CBR4: variants seen among roughly 807,000 people sequenced by gnomAD.
CBR4 encodes the protein carbonyl reductase 4.
A neutral mutation model predicts 21.0 loss-of-function variants in CBR4; 22 were observed. That is an observed-to-expected ratio of 1.05 (90% CI 0.75 to 1.50). The LOEUF (loss-of-function observed/expected upper bound fraction) is 1.50. CBR4 is among the 40% of genes most tolerant of loss of function. The probability of loss-of-function intolerance (pLI) is 0.00; values close to 1 mark genes in which losing one functional copy is unlikely to be tolerated. For synonymous variants in CBR4, 100 were observed against 104.4 expected (o/e 0.96, Z 0.26); for missense variants, 302 against 286.3 (o/e 1.05, Z -0.40).
chr4:168,973,860 C>CT (rs907471219), intron 2 of CBR4, among the ~76,000 whole-genome samples: 6 of 152,170 alleles, frequency 3.9e-5, no homozygotes, highest in African/African-American at 1.4e-4. Flanking sequence ...CTTGAATGAT[C>CT]TTTATCCATT....
At position 168,918,601 on chromosome 4, in the gene CBR4, A is replaced by G. The variant is rs76923123; in HGVS notation, n.170-23836T>C. On this transcript the variant is annotated intron_variant and non_coding_transcript_variant, in intron 2 of 3. Coordinates refer to the CBR4 transcript ENST00000509108. ...TTCAGACAGGAAGAATAAGTTCAAGAGATCTGTTGTACAACATGGTGACTA... is the reference window on the plus strand; with the variant it reads ...TTCAGACAGGAAGAATAAGTTCAAGGGATCTGTTGTACAACATGGTGACTA... Among the ~76,000 whole-genome samples, 804 of 152,310 alleles carry G rather than the reference A, an allele frequency of 5.3e-3. 3 individuals carry two copies. Among genetic ancestry groups the G allele is most frequent in the Middle Eastern group, 0.034 (10 of 294 alleles).
At chr4:168,970,990 C>A (rs1348292302) in intron 2 of CBR4, among the ~76,000 whole-genome samples, 1 of 152,094 alleles carries the variant, frequency 6.6e-6, no homozygotes, top group East Asian at 1.9e-4. Flanking sequence ...TGGGTAGATA[C>A]CCAGGAGCGG....
At chr4:168,966,834 C>A (rs547466048) in intron 2 of CBR4, among the ~76,000 whole-genome samples, 1 of 151,984 alleles carries the variant, frequency 6.6e-6, no homozygotes, top group African/African-American at 2.4e-5. Context: ...CTGGCTAACA[C>A]GATGAAACCC....
intron 2 of CBR4, among the ~76,000 whole-genome samples, chr4:168,913,261 C>A (rs1181539034): frequency 3.3e-5 from 5 of 151,754 alleles, no homozygotes; most frequent in African/African-American, 1.2e-4. Context: ...CTCAGCCTCC[C>A]AAGTAGCTGG....
chr4:169,003,638 C>T (rs1037862101), intron 3 of CBR4, among the ~76,000 whole-genome samples: 5 of 151,936 alleles, frequency 3.3e-5, no homozygotes, highest in African/African-American at 7.2e-5. Context: ...AAATCTCTCA[C>T]GAAATGAAGA....
intron 4 of CBR4, among the ~76,000 whole-genome samples, chr4:168,996,800 T>C (rs539129006): frequency 6.6e-6 from 1 of 152,324 alleles, no homozygotes; most frequent in Non-Finnish European, 1.5e-5. Context: ...TCTCTAATGA[T>C]AAATTACTCT....
intron 2 of CBR4, among the ~76,000 whole-genome samples, chr4:168,981,414 A>T (rs1764542965): frequency 6.6e-6 from 1 of 152,170 alleles, no homozygotes; most frequent in African/African-American, 2.4e-5. Flanking sequence ...AATAAAATAA[A>T]AATAAAGAAA....
intron 2 of CBR4, among the ~76,000 whole-genome samples, chr4:168,949,678 T>C (rs1003404542): frequency 6.6e-6 from 1 of 152,210 alleles, no homozygotes; most frequent in East Asian, 1.9e-4. Context: ...TGTGGAATAG[T>C]GTCAAAAGGA....
At chr4:168,952,975 C>T (rs1443061343) in intron 2 of CBR4, among the ~76,000 whole-genome samples, 1 of 152,188 alleles carries the variant, frequency 6.6e-6, no homozygotes, top group Non-Finnish European at 1.5e-5. Context: ...GGCCCTAGAA[C>T]TCCCAAGAGT....
At position 169,009,932 on chromosome 4, in the gene CBR4, CCA is replaced by C. The variant is rs758778551; in HGVS notation, c.142+14_142+15del. The C allele has an allele frequency of 2.5e-6, 4 of 1,606,370 alleles. No homozygotes were observed. The highest frequency in any genetic ancestry group is 1.7e-6 in the Non-Finnish European group (2 of 1,176,880). On this transcript the variant is annotated intron_variant, in intron 1 of 4. Transcript: ENST00000306193. ...ACCGCGGCCATACAACTGGACAACT[CCA>C]GTTTGGTACCTACCGCCGAGGTCAC... is the stretch of plus-strand genomic sequence containing the variant.
At chr4:168,953,436 GTTTT>G (rs1440068210) in intron 2 of CBR4, among the ~76,000 whole-genome samples, 1 of 151,180 alleles carries the variant, frequency 6.6e-6, no homozygotes, top group Admixed American at 6.6e-5. Context: ...TTTTTTTTTG[GTTTT>G]TTGGAGACAG....
At chr4:168,970,362 T>A (rs1281329312) in intron 2 of CBR4, among the ~76,000 whole-genome samples, 1 of 152,234 alleles carries the variant, frequency 6.6e-6, no homozygotes, top group Non-Finnish European at 1.5e-5. Context: ...AAGTACTTTT[T>A]TCCATCTGGA....
chr4:168,908,588 C>T (rs773438822), intron 2 of CBR4, among the ~76,000 whole-genome samples: 1 of 152,138 alleles, frequency 6.6e-6, no homozygotes, highest in Admixed American at 6.6e-5. Flanking sequence ...TGACTCCTTA[C>T]TTCCTTAATG....
chr4:168,998,938 CTCTT>C (rs1560988320), intron 4 of CBR4, among the ~76,000 whole-genome samples: 1 of 152,096 alleles, frequency 6.6e-6, no homozygotes, highest in African/African-American at 2.4e-5. Flanking sequence ...GGAGAAAAGA[CTCTT>C]TATGCCTTTT....
chr4:168,952,962 C>G (rs1461220364), intron 2 of CBR4, among the ~76,000 whole-genome samples: 1 of 152,128 alleles, frequency 6.6e-6, no homozygotes, highest in African/African-American at 2.4e-5. Flanking sequence ...TGGCAGTGGG[C>G]AGGGCCCTAG....
Position 168,988,311 on chromosome 4 carries a change from T to C in CBR4, c.*1839A>G, listed in dbSNP as rs1764763656. Reference sequence around the variant, plus strand: ...ATAGCTTAAAAGGTTATATTTCTTATTTTAAAGTATAAAAACATACACTTA... The same window carrying C: ...ATAGCTTAAAAGGTTATATTTCTTACTTTAAAGTATAAAAACATACACTTA... On this transcript the variant is annotated 3_prime_UTR_variant, in exon 5 of 5. Coordinates refer to ENST00000306193, the MANE Select transcript of CBR4 (RefSeq NM_032783.5). 1.0e-6 allele frequency: 1 copy of C among 984,790 alleles called. No homozygotes were observed. Among genetic ancestry groups the C allele is most frequent in the Non-Finnish European group, 1.2e-6 (1 of 829,458 alleles). The allele number at this position is 984,790 out of a possible 1,614,324, so 61.0% of individuals were successfully genotyped here.
At chr4:168,918,543 A>C (rs193017909) in intron 2 of CBR4, among the ~76,000 whole-genome samples, 1 of 152,310 alleles carries the variant, frequency 6.6e-6, no homozygotes, top group Admixed American at 6.5e-5. Context: ...GGAGAGGGAA[A>C]GTTGGGGAAA....
At chr4:169,008,601 G>A (rs1731120122) in intron 1 of CBR4, among the ~76,000 whole-genome samples, 1 of 152,156 alleles carries the variant, frequency 6.6e-6, no homozygotes, top group African/African-American at 2.4e-5. Context: ...AATCACTCAT[G>A]GAACACGATT....
rs145120547 is a variant in CBR4 at position 168,995,654 on chromosome 4, C to T, written c.536-5326G>A. ...AAACTCTGGAAATTTTGCTCTACTC[C>T]CCTTTTTGCTAGGTATACATTTACA... On this transcript the variant is annotated intron_variant, in intron 4 of 4. Transcript: ENST00000306193. Among the ~76,000 whole-genome samples, 237 of 152,180 alleles carry T rather than the reference C, an allele frequency of 1.6e-3. 2 individuals are homozygous for T. Among genetic ancestry groups the T allele is most frequent in the African/African-American group, 5.4e-3 (223 of 41,506 alleles).
Sources: allele counts gnomAD v4.1 joint callset (sites outside exome capture counted in the v4.1 genomes callset), GRCh38; gene constraint gnomAD v4.1.1; transcripts MANE v1.5; gene names NCBI Gene and HGNC (gene_info 2026-07-23, HGNC 2026-07-21).